Variants in SDE2 observed in about 807,000 individuals in gnomAD.
SDE2 encodes splicing regulator SDE2.
A neutral mutation model predicts 46.9 loss-of-function variants in SDE2; 31 were observed. The observed-to-expected ratio is 0.66, with a 90% CI of 0.50 to 0.89. The LOEUF is 0.89. Ranked by LOEUF, SDE2 falls within the 40% of genes least tolerant of loss-of-function variation. SDE2 has a pLI of 0.00. For synonymous variants in SDE2, 205 were observed against 204.3 expected (o/e 1.00, Z -0.03); for missense variants, 542 against 564.4 (o/e 0.96, Z 0.40).
At chr1:225,991,402 G>A (rs1363697196) in intron 4 of SDE2, 39 bp from the exon 5 acceptor site, 1 of 1,548,872 alleles carries the variant, frequency 6.5e-7, no homozygotes, top group Admixed American at 1.8e-5. Flanking sequence ...CTACTATAGG[G>A]ACTAAGTTTA....
At chr1:225,989,373 A>G (rs1656343906) in intron 5 of SDE2, among the ~76,000 whole-genome samples, 1 of 151,606 alleles carries the variant, frequency 6.6e-6, no homozygotes, top group South Asian at 2.1e-4. Flanking sequence ...TAACGCCTGT[A>G]ATCCCAGCAC....
At position 225,985,280 on chromosome 1, in the gene SDE2, T is replaced by C. The variant is rs777570740; in HGVS notation, c.*22A>G. 114 of 1,568,286 alleles carry C rather than the reference T, an allele frequency of 7.3e-5. 1 individual carries two copies. In the Admixed American group the frequency reaches 1.7e-3, roughly 23 times the overall value. On this transcript the variant is annotated 3_prime_UTR_variant, in exon 7 of 7. Coordinates refer to ENST00000272091, the MANE Select transcript of SDE2 (RefSeq NM_152608.4). ...GTAAATGGTAGACACTATAAACAAATAGGAATCAGCTCTGATGATACTCAT... is the reference window on the plus strand; with the variant it reads ...GTAAATGGTAGACACTATAAACAAACAGGAATCAGCTCTGATGATACTCAT...
At chr1:225,997,937 G>A (rs888378115) in intron 1 of SDE2, among the ~76,000 whole-genome samples, 2 of 151,256 alleles carry the variant, frequency 1.3e-5, no homozygotes, top group Non-Finnish European at 2.9e-5. Context: ...TCAAGACCTG[G>A]CCAACGTGGT....
Position 225,988,262 on chromosome 1 carries a change from G to A in SDE2, c.768C>T (p.Val256=), listed in dbSNP as rs200328355. 3.2e-5 allele frequency: 52 copies of A among 1,614,028 alleles called. No individual in the cohort carries two copies. Among genetic ancestry groups the A allele is most frequent in the Non-Finnish European group, 4.2e-5 (49 of 1,180,020 alleles). ...FHAPKIGSNG[V]EMAAKFPSGS... ...CACTGGGAAATTTGGCTGCCATCTC[G>A]ACACCATTGCTACCAATTTTTGGAG... The change falls in exon 6 of 7, where the codon GTC becomes GTT. Residue 256 remains valine, a synonymous_variant. Transcript: ENST00000272091.
chr1:225,992,977 A>C lies in SDE2; in HGVS notation c.264T>G (p.Leu88=). The C allele has an allele frequency of 8.1e-6, 13 of 1,607,506 alleles. No individual in the cohort carries two copies. Among genetic ancestry groups the C allele is most frequent in the Non-Finnish European group, 1.1e-5 (13 of 1,173,998 alleles). The stretch of plus-strand genomic sequence containing the variant: ...TGGTTGTCTTCTCAATCTGAGCACC[A>C]AGTGCTCGGAGCATAGATCCAAAAC... ...KGGFGSMLRA[L]GAQIEKTTNR... The change falls in exon 3 of 7, where the codon CTT becomes CTG. Residue 88 remains leucine (L), a synonymous_variant. Coordinates refer to ENST00000272091, the MANE Select transcript of SDE2 (RefSeq NM_152608.4).
At chr1:225,990,093 A>C (rs1330881300) in intron 5 of SDE2, among the ~76,000 whole-genome samples, 2 of 151,340 alleles carry the variant, frequency 1.3e-5, no homozygotes, top group Admixed American at 1.3e-4. Context: ...AAAAAAACAC[A>C]CACAAAAAAA....
At chr1:225,986,769 A>G (rs572824209) in intron 6 of SDE2, among the ~76,000 whole-genome samples, 37 of 152,346 alleles carry the variant, frequency 2.4e-4, no homozygotes, top group African/African-American at 8.4e-4. Flanking sequence ...ATGCTTACAA[A>G]TTCAGAGATT....
rs780786089 is a variant in SDE2 at position 225,991,313 on chromosome 1, G to T, written c.571C>A (p.Arg191=). The change falls in exon 5 of 7, where the codon CGG becomes AGG. Residue 191 remains arginine (R), a synonymous_variant. Coordinates refer to ENST00000272091, the MANE Select transcript of SDE2 (RefSeq NM_152608.4). ...KMVSAEISEN[R]KRQWPTKSQT... ...GATTTAGTAGGCCATTGCCGTTTCC[G>T]ATTCTCACTGATTTCTGCTGAAACC... is the stretch of plus-strand genomic sequence containing the variant. The T allele has an allele frequency of 6.2e-7, 1 of 1,613,730 alleles. No homozygotes were observed. Among genetic ancestry groups the T allele is most frequent in the South Asian group, 1.1e-5 (1 of 91,056 alleles).
Position 225,991,299 on chromosome 1 carries a change from C to A in SDE2, c.585G>T (p.Trp195Cys), listed in dbSNP as rs777516158. ...AEISENRKRQ[W>C]PTKSQTDRGA... ...CTCTGTCTGTTTGAGATTTAGTAGG[C>A]CATTGCCGTTTCCGATTCTCACTGA... is the stretch of plus-strand genomic sequence containing the variant. The change falls in exon 5 of 7, where the codon TGG (tryptophan) becomes TGT (cysteine). Residue 195 changes from tryptophan to cysteine, a missense_variant. Coordinates refer to ENST00000272091, the MANE Select transcript of SDE2 (RefSeq NM_152608.4). The A allele has an allele frequency of 2.5e-6, 4 of 1,613,762 alleles. No homozygotes were observed. In the East Asian group the frequency reaches 8.9e-5, roughly 36 times the overall value.
At chr1:225,989,534 CAGG>C (rs1368360035) in intron 5 of SDE2, among the ~76,000 whole-genome samples, 1 of 149,404 alleles carries the variant, frequency 6.7e-6, no homozygotes, top group Non-Finnish European at 1.5e-5. Flanking sequence ...GAGGCTGAGG[CAGG>C]AGAATTGCTT....
intron 5 of SDE2, among the ~76,000 whole-genome samples, chr1:225,989,088 G>C (rs1043602106): frequency 6.7e-6 from 1 of 150,282 alleles, no homozygotes; most frequent in African/African-American, 2.5e-5. Context: ...CACAAGGTCA[G>C]GAGTTCAAGA....
chr1:225,987,998 C>T lies in SDE2; in HGVS notation c.1032G>A (p.Glu344=). 1 of 1,614,198 alleles carries T rather than the reference C, an allele frequency of 6.2e-7. No individual in the cohort carries two copies. Among genetic ancestry groups the T allele is most frequent in the African/African-American group, 1.3e-5 (1 of 75,046 alleles). Residue 344 remains glutamate (E), a synonymous_variant, in exon 6 of 7, where the codon GAG becomes GAA. Transcript: ENST00000272091. The stretch of plus-strand genomic sequence containing the variant: ...TTTCCCCATCAGTCCTTTCTTCTGT[C>T]TCTTTATCCTTATTCAGTCCAGCCC... The part of the protein sequence containing the change: ...PTGAGLNKDK[E]TEERTDGERV...
intron 5 of SDE2, among the ~76,000 whole-genome samples, chr1:225,990,385 G>A (rs1656370640): frequency 6.6e-6 from 1 of 152,090 alleles, no homozygotes; most frequent in South Asian, 2.1e-4. Flanking sequence ...TCTAGAGGTG[G>A]GGAAAAGGGA....
intron 2 of SDE2, among the ~76,000 whole-genome samples, chr1:225,993,289 A>G (rs1035662504): frequency 1.3e-5 from 2 of 152,138 alleles, no homozygotes; most frequent in East Asian, 1.9e-4. Flanking sequence ...GCATACCGGT[A>G]TAATACCTGT....
chr1:225,998,390 A>G (rs1656580290), intron 1 of SDE2, among the ~76,000 whole-genome samples: 3 of 152,218 alleles, frequency 2.0e-5, no homozygotes, highest in Admixed American at 2.0e-4. Flanking sequence ...ATAAATAGTA[A>G]GCAGAGGAAA....
intron 1 of SDE2, among the ~76,000 whole-genome samples, 178 bp from the exon 2 acceptor site, chr1:225,995,561 G>A (rs1170992748): frequency 6.6e-6 from 1 of 152,120 alleles, no homozygotes; most frequent in African/African-American, 2.4e-5. Context: ...GATGCATTTT[G>A]GGTATAATTT....
At chr1:225,988,427 C>T (rs778620141) in intron 5 of SDE2, 39 bp from the exon 6 acceptor site, 1 of 1,604,076 alleles carries the variant, frequency 6.2e-7, no homozygotes, top group South Asian at 1.1e-5. Context: ...GCGTTTGTAG[C>T]TTCTATTTAA....
At chr1:225,995,487 G>A in intron 1 of SDE2, 104 bp from the exon 2 acceptor site, 9 of 562,500 alleles carry the variant, frequency 1.6e-5, no homozygotes, top group Admixed American at 3.4e-5. Context: ...TACAACAGAG[G>A]GTGTTCAATT....
At chr1:225,986,096 A>C (rs1186086128) in intron 6 of SDE2, among the ~76,000 whole-genome samples, 1 of 152,142 alleles carries the variant, frequency 6.6e-6, no homozygotes, top group East Asian at 1.9e-4. Flanking sequence ...TGGGAGGTGG[A>C]GGCAGGCGGA....
Sources: gnomAD v4.1 joint callset for allele counts (sites outside exome capture counted in the v4.1 genomes callset) on GRCh38, gnomAD v4.1.1 for gene constraint, MANE v1.5 for transcripts, NCBI Gene and HGNC (gene_info 2026-07-23, HGNC 2026-07-21) for gene names.